The following SYTL3 variants were observed in gnomAD, a reference collection of about 807,000 sequenced individuals.
The protein encoded by SYTL3 is synaptotagmin-like protein 3.
Under a neutral mutation model 82.1 loss-of-function variants are expected in SYTL3, and 88 were observed. The ratio of observed to expected loss-of-function variants is 1.07; its 90% CI spans 0.90 to 1.28. The LOEUF is 1.28. Among genes scored for constraint, SYTL3 ranks in the 50% most tolerant of loss-of-function variants. The pLI is 0.00. For missense variants in SYTL3, 831 were observed against 757.6 expected (o/e 1.10, Z -1.14); for synonymous variants, 311 against 289.4 (o/e 1.07, Z -0.76).
At chr6:158,711,565 G>A (rs1000484108) in intron 8 of SYTL3, among the ~76,000 whole-genome samples, 17 of 152,136 alleles carry the variant, frequency 1.1e-4, no homozygotes, top group African/African-American at 3.9e-4. Context: ...CCCAAGAAAC[G>A]GTTCTTGAAT....
In SYTL3 at chr6:158,663,218, G is replaced by A; in HGVS notation, c.-51G>A. ...GCTCATCTGCAGGGCGTGAGCGCTTGGTCCATGCAGTGAAGCTCTTCCAAC... is the reference window on the plus strand; with the variant it reads ...GCTCATCTGCAGGGCGTGAGCGCTTAGTCCATGCAGTGAAGCTCTTCCAAC... On this transcript the variant is annotated 5_prime_UTR_variant, in exon 4 of 18. Transcript: ENST00000611299. 6.4e-7 allele frequency: 1 copy of A among 1,555,524 alleles called. No homozygotes were observed. Among genetic ancestry groups the A allele is most frequent in the Non-Finnish European group, 8.9e-7 (1 of 1,127,546 alleles).
chr6:158,685,584 C>T (rs925947055), intron 6 of SYTL3, among the ~76,000 whole-genome samples: 2 of 151,984 alleles, frequency 1.3e-5, no homozygotes, highest in Middle Eastern at 3.4e-3. Flanking sequence ...TTTGGGAGGC[C>T]GAGGTGGGCA....
chr6:158,745,693 A>G (rs1583458786), intron 12 of SYTL3, 35 bp downstream of exon 12: 1 of 1,474,864 alleles, frequency 6.8e-7, no homozygotes, highest in Non-Finnish European at 9.2e-7. Context: ...CATGAGACAT[A>G]TTGATTCCAA....
intron 12 of SYTL3, among the ~76,000 whole-genome samples, chr6:158,746,170 T>TCA (rs1376032843): frequency 6.6e-6 from 1 of 151,950 alleles, no homozygotes; most frequent in Non-Finnish European, 1.5e-5. Flanking sequence ...GGCTGCACCC[T>TCA]CATGACCTAA....
intron 2 of SYTL3, among the ~76,000 whole-genome samples, chr6:158,655,113 G>C (rs1392719296): frequency 6.6e-6 from 1 of 152,144 alleles, no homozygotes; most frequent in Non-Finnish European, 1.5e-5. Context: ...ATGGACCTAG[G>C]AGATTTCCGT....
chr6:158,725,056 T>G (rs1053643058), intron 10 of SYTL3, among the ~76,000 whole-genome samples: 1 of 152,188 alleles, frequency 6.6e-6, no homozygotes, highest in Non-Finnish European at 1.5e-5. Flanking sequence ...AAGCATCAAC[T>G]GTTAGCAAAG....
intron 6 of SYTL3, among the ~76,000 whole-genome samples, chr6:158,692,773 TAA>T (rs35173536): frequency 0.03 from 3,606 of 121,606 alleles, 119 homozygotes; most frequent in African/African-American, 0.079. Flanking sequence ...CCGTCTCTAC[TAA>T]AAAAAAAAAA....
At chr6:158,672,465 CATT>C (rs1479160940) in intron 5 of SYTL3, among the ~76,000 whole-genome samples, 2 of 151,926 alleles carry the variant, frequency 1.3e-5, no homozygotes, top group African/African-American at 4.8e-5. Context: ...TGGAATTTAA[CATT>C]ATGGAGACAG....
chr6:158,688,574 G>A lies in SYTL3; in HGVS notation c.394+5585G>A, dbSNP rs140356864. Among the ~76,000 whole-genome samples, 1,334 of 152,254 alleles carry A rather than the reference G, an allele frequency of 8.8e-3. 24 individuals carry two copies. Among genetic ancestry groups the A allele is most frequent in the African/African-American group, 0.03 (1,241 of 41,546 alleles). On this transcript the variant is annotated intron_variant, in intron 6 of 17. Coordinates refer to ENST00000611299, the MANE Select transcript of SYTL3 (RefSeq NM_001242394.2). ...GCCCAGGAGTTCAAGACTAGCCTGG[G>A]CAGCATAGTGAGATCCTGTCTCTAA... is the stretch of plus-strand genomic sequence containing the variant.
At chr6:158,731,026 T>G (rs963602617) in intron 11 of SYTL3, among the ~76,000 whole-genome samples, 1 of 152,210 alleles carries the variant, frequency 6.6e-6, no homozygotes, top group African/African-American at 2.4e-5. Context: ...GGCTCACGCC[T>G]GTAATCCCAG....
chr6:158,716,474 C>T (rs1051839148), intron 9 of SYTL3, among the ~76,000 whole-genome samples: 1 of 152,112 alleles, frequency 6.6e-6, no homozygotes, highest in African/African-American at 2.4e-5. Context: ...TGAGCGTGTC[C>T]TTTACTTTGT....
At chr6:158,731,300 A>G (rs557715868) in intron 11 of SYTL3, among the ~76,000 whole-genome samples, 1 of 152,124 alleles carries the variant, frequency 6.6e-6, no homozygotes, top group East Asian at 1.9e-4. Context: ...AAACAAAACA[A>G]AAAAACTAAA....
chr6:158,672,154 G>A (rs996299012), intron 5 of SYTL3, among the ~76,000 whole-genome samples: 1 of 152,146 alleles, frequency 6.6e-6, no homozygotes, highest in Non-Finnish European at 1.5e-5. Flanking sequence ...AGGTGGGCAT[G>A]GTCGTGTGTA....
At chr6:158,707,208 C>T (rs367788987) in intron 6 of SYTL3, 22 bp from the exon 7 acceptor site, 2 of 1,612,758 alleles carry the variant, frequency 1.2e-6, no homozygotes, top group African/African-American at 2.7e-5. Context: ...TAATAAACGC[C>T]CTCTATGGAT....
At chr6:158,655,851 C>T (rs1788609175) in intron 2 of SYTL3, among the ~76,000 whole-genome samples, 2 of 152,330 alleles carry the variant, frequency 1.3e-5, no homozygotes, top group South Asian at 2.1e-4. Flanking sequence ...GGCAGCTACT[C>T]ACCCACACAG....
chr6:158,732,157 A>G (rs1245854421), intron 11 of SYTL3, among the ~76,000 whole-genome samples: 2 of 152,202 alleles, frequency 1.3e-5, no homozygotes, highest in Non-Finnish European at 2.9e-5. Flanking sequence ...GTCCTATACA[A>G]CACTAAAGGT....
In SYTL3 at chr6:158,693,743, G is replaced by A. The variant is rs149135883; in HGVS notation, c.394+10754G>A. Among the ~76,000 whole-genome samples, 687 of 122,458 alleles carry A rather than the reference G, an allele frequency of 5.6e-3. 20 individuals are homozygous for A. Among genetic ancestry groups the A allele is most frequent in the African/African-American group, 0.033 (640 of 19,376 alleles). 80.3% of individuals were successfully genotyped at this position (122,458 alleles called of 152,430 possible). On this transcript the variant is annotated intron_variant, in intron 6 of 17. Coordinates refer to ENST00000611299, the MANE Select transcript of SYTL3 (RefSeq NM_001242394.2). ...TTTTTGGTAGAGACAGGGTTTTGCCGTGTTGCCCAGGCTGGTCTCGAACTC... is the reference window on the plus strand; with the variant it reads ...TTTTTGGTAGAGACAGGGTTTTGCCATGTTGCCCAGGCTGGTCTCGAACTC...
intron 11 of SYTL3, among the ~76,000 whole-genome samples, chr6:158,742,861 A>G (rs141340039): frequency 1.3e-5 from 2 of 152,224 alleles, no homozygotes; most frequent in East Asian, 3.9e-4. Context: ...TGCTGGGATT[A>G]CAGGTGTGAG....
intron 5 of SYTL3, among the ~76,000 whole-genome samples, chr6:158,679,852 T>C (rs943318149): frequency 5.3e-5 from 8 of 152,190 alleles, no homozygotes; most frequent in African/African-American, 1.7e-4. Context: ...TTAGCTGTTT[T>C]TCATTTTCTG....
Sources: gnomAD v4.1 joint callset for allele counts (sites outside exome capture counted in the v4.1 genomes callset) on GRCh38, gnomAD v4.1.1 for gene constraint, MANE v1.5 for transcripts, NCBI Gene and HGNC (gene_info 2026-07-23, HGNC 2026-07-21) for gene names.